Variants in CAMSAP2 observed in about 807,000 individuals in gnomAD.
The protein encoded by CAMSAP2 is calmodulin regulated spectrin associated protein family member 2, also known as calmodulin-regulated spectrin-associated protein 2.
CAMSAP2 carries 26 observed loss-of-function variants against 146.1 expected under a neutral mutation model. The observed-to-expected ratio is 0.18, with a 90% confidence interval of 0.13 to 0.25. The LOEUF (loss-of-function observed/expected upper bound fraction) is 0.25. Ranked by LOEUF, CAMSAP2 falls within the 10% of genes least tolerant of loss-of-function variation. CAMSAP2 has a pLI of 1.00. For missense variants in CAMSAP2, 1,381 were observed against 1,759.3 expected, an observed-to-expected ratio of 0.78 and a Z score of 3.85; for synonymous variants, 499 against 596.6, an observed-to-expected ratio of 0.84 and a Z score of 2.38.
At chr1:200,741,611 A>G (rs765914075) in intron 1 of CAMSAP2, among the ~76,000 whole-genome samples, 8 of 152,248 alleles carry the variant, frequency 5.3e-5, no homozygotes, top group Non-Finnish European at 1.2e-4. Context: ...TCTGGAACTG[A>G]GAGGATACTT....
intron 2 of CAMSAP2, among the ~76,000 whole-genome samples, chr1:200,772,371 G>A (rs529688469): frequency 1.3e-5 from 2 of 152,320 alleles, no homozygotes; most frequent in East Asian, 3.9e-4. Context: ...CACTTTGGGA[G>A]GCTGAGATGG....
chr1:200,857,787 A>T lies in CAMSAP2; in HGVS notation c.4165A>T (p.Ile1389Phe). The T allele has an allele frequency of 6.2e-7, 1 of 1,607,156 alleles. No individual in the cohort carries two copies. Among genetic ancestry groups the T allele is most frequent in the Non-Finnish European group, 8.5e-7 (1 of 1,178,070 alleles). The change falls in exon 17 of 17, where the codon ATC becomes TTC. Residue 1389 changes from isoleucine to phenylalanine, a missense_variant. By Grantham distance (21) the Ile-to-Phe change is conservative. This residue lies in a region of CAMSAP2 where 90 missense variants were observed against 174.4 expected (regional missense o/e 0.52). Coordinates refer to ENST00000358823, the MANE Select transcript of CAMSAP2 (RefSeq NM_203459.4). This position sits in a 1 kb window ranked among gnomAD's most constrained non-coding sequence, Gnocchi z 4.7. ...MEKSDANNFL[I>F]LFRDSGCQFR... ...GAAATCAGATGCCAACAACTTCTTA[A>T]TCTTGTTCCGGGATTCAGGATGCCA...
At chr1:200,742,983 A>G (rs1664221945) in intron 1 of CAMSAP2, among the ~76,000 whole-genome samples, 1 of 152,188 alleles carries the variant, frequency 6.6e-6, no homozygotes, top group Non-Finnish European at 1.5e-5. Context: ...CCAAATTTTA[A>G]TAGTTTATTT....
Position 200,836,102 on chromosome 1 carries a change from T to C in CAMSAP2, c.927+3257T>C, listed in dbSNP as rs1410961769. 1.3e-5 allele frequency among the ~76,000 whole-genome samples: 2 copies of C among 152,158 alleles called. 1 individual carries two copies. The highest frequency in any genetic ancestry group is 1.3e-4 in the Admixed American group (2 of 15,278). ...GAATCTTTTTTTTTTTAATTCAATCTTATTTTAAACTTTTAGCTTAAGCTC... is the reference window on the plus strand; with the variant it reads ...GAATCTTTTTTTTTTTAATTCAATCCTATTTTAAACTTTTAGCTTAAGCTC... On this transcript the variant is annotated intron_variant, in intron 6 of 16. Transcript: ENST00000358823.
At chr1:200,748,764 T>A (rs1664415693) in intron 1 of CAMSAP2, among the ~76,000 whole-genome samples, 1 of 151,666 alleles carries the variant, frequency 6.6e-6, no homozygotes, top group Non-Finnish European at 1.5e-5. Context: ...TTTGATTTTT[T>A]TTTTTTTTTG....
chr1:200,749,012 A>C (rs1664424383), intron 1 of CAMSAP2, among the ~76,000 whole-genome samples: 1 of 152,198 alleles, frequency 6.6e-6, no homozygotes, highest in Non-Finnish European at 1.5e-5. Context: ...AGAACAACTT[A>C]AAATGCCCAA....
intron 4 of CAMSAP2, among the ~76,000 whole-genome samples, chr1:200,817,188 A>G (rs1298729395): frequency 1.2e-5 from 1 of 81,322 alleles, no homozygotes; most frequent in African/African-American, 6.4e-5. Context: ...ACACACACAC[A>G]CATGTGTGTG....
At chr1:200,763,320 C>CTTTGT (rs1452669899) in intron 2 of CAMSAP2, among the ~76,000 whole-genome samples, 52 of 152,032 alleles carry the variant, frequency 3.4e-4, no homozygotes, top group African/African-American at 1.2e-3. Context: ...TGGCGGATCA[C>CTTTGT]CTGAGGTCAG....
At chr1:200,757,082 T>A (rs560901965) in intron 1 of CAMSAP2, among the ~76,000 whole-genome samples, 1 of 152,344 alleles carries the variant, frequency 6.6e-6, no homozygotes, top group South Asian at 2.1e-4. Flanking sequence ...TTACTTTTAA[T>A]TGGAGTTCTT....
rs577026924 is a variant in CAMSAP2 at position 200,772,243 on chromosome 1, A to G, written c.399+11145A>G. 2.0e-5 allele frequency among the ~76,000 whole-genome samples: 3 copies of G among 152,310 alleles called. No individual in the cohort carries two copies. The South Asian group carries it at 6.2e-4, about 32-fold the overall frequency. On this transcript the variant is annotated intron_variant, in intron 2 of 16. Transcript: ENST00000358823. ...TTTTTTAAGATTCTATTTGAAAAAAAAATATGGGTTGTGACCAACTAAATT... is the reference window on the plus strand; with the variant it reads ...TTTTTTAAGATTCTATTTGAAAAAAGAATATGGGTTGTGACCAACTAAATT...
Position 200,859,028 on chromosome 1 carries a change from A to T in CAMSAP2, c.*969A>T, listed in dbSNP as rs1667817783. ...AACTCATATAAAAATTATATTTAGA[A>T]TTTTTAAACATGTACAAAGGGCTAC... On this transcript the variant is annotated 3_prime_UTR_variant, in exon 17 of 17. Coordinates refer to ENST00000358823, the MANE Select transcript of CAMSAP2 (RefSeq NM_203459.4). 6.6e-6 allele frequency: 1 copy of T among 152,474 alleles called. No homozygotes were observed. Among genetic ancestry groups the T allele is most frequent in the African/African-American group, 2.4e-5 (1 of 41,436 alleles). 9.4% of individuals were successfully genotyped at this position (152,474 alleles called of 1,614,324 possible). A position where few individuals can be genotyped will look rare whatever the true frequency, so the allele number is the denominator to read the frequency against.
At chr1:200,831,537 A>G (rs1376130374) in intron 4 of CAMSAP2, among the ~76,000 whole-genome samples, 1 of 152,110 alleles carries the variant, frequency 6.6e-6, no homozygotes, top group Non-Finnish European at 1.5e-5. Context: ...CACACCAAAC[A>G]ATCTTTAGGA....
intron 2 of CAMSAP2, among the ~76,000 whole-genome samples, chr1:200,779,639 T>A (rs1328546880): frequency 2.0e-5 from 3 of 152,222 alleles, no homozygotes; most frequent in African/African-American, 4.8e-5. Flanking sequence ...ATTCAACTAA[T>A]GTGCAGAAAA....
At chr1:200,828,974 G>T (rs972946808) in intron 4 of CAMSAP2, among the ~76,000 whole-genome samples, 1 of 151,758 alleles carries the variant, frequency 6.6e-6, no homozygotes, top group African/African-American at 2.4e-5. Flanking sequence ...TGACCAACAT[G>T]GAAAAACCCC....
In CAMSAP2 at chr1:200,746,758, A is replaced by G. The variant is rs910067848; in HGVS notation, c.139+6792A>G. Among the ~76,000 whole-genome samples the G allele has an allele frequency of 2.0e-4, 30 of 151,724 alleles. 1 individual carries two copies. Among genetic ancestry groups the G allele is most frequent in the Admixed American group, 1.8e-3 (27 of 15,220 alleles). Reference sequence around the variant, plus strand: ...CTCAGCCTCCCGAGTAGCTGGGACTACAGGAGCCCACCACCACGCCCAGCT... The same window carrying G: ...CTCAGCCTCCCGAGTAGCTGGGACTGCAGGAGCCCACCACCACGCCCAGCT... On this transcript the variant is annotated intron_variant, in intron 1 of 16. Coordinates refer to ENST00000358823, the MANE Select transcript of CAMSAP2 (RefSeq NM_203459.4).
chr1:200,845,605 T>G (rs565568197), intron 8 of CAMSAP2, among the ~76,000 whole-genome samples: 2 of 152,304 alleles, frequency 1.3e-5, no homozygotes, highest in African/African-American at 4.8e-5. Context: ...ATTTTTAGTG[T>G]GGTAATGGTA....
At position 200,805,557 on chromosome 1, in the gene CAMSAP2, A is replaced by G. The variant is rs186533486; in HGVS notation, c.400-1819A>G. On this transcript the variant is annotated intron_variant, in intron 2 of 16. Coordinates refer to ENST00000358823, the MANE Select transcript of CAMSAP2 (RefSeq NM_203459.4). ...CCTGGGGAAGCTGTTTAAAAATACC[A>G]GTGCTGATGCCGTACTTTAGATAAT... 4.6e-5 allele frequency among the ~76,000 whole-genome samples: 7 copies of G among 152,362 alleles called. No individual in the cohort carries two copies. The East Asian group carries it at 9.6e-4, about 21-fold the overall frequency.
Position 200,847,662 on chromosome 1 carries a change from T to C in CAMSAP2, c.1215T>C (p.Ser405=). The C allele has an allele frequency of 6.2e-7, 1 of 1,612,424 alleles. No individual in the cohort carries two copies. The highest frequency in any genetic ancestry group is 8.5e-7 in the Non-Finnish European group (1 of 1,179,186). ...AAGGAGGAATTAGAAGGTCTTCATC[T>C]ATGTCTTATGTTGATGGCTTCATAG... is the stretch of plus-strand genomic sequence containing the variant. ...SASGGIRRSS[S]MSYVDGFIGT... The change falls in exon 10 of 17, where the codon TCT becomes TCC. Residue 405 remains serine (S), a synonymous_variant. Coordinates refer to ENST00000358823, the MANE Select transcript of CAMSAP2 (RefSeq NM_203459.4).
chr1:200,841,575 A>G (rs1187844271), intron 6 of CAMSAP2, among the ~76,000 whole-genome samples: 2 of 152,150 alleles, frequency 1.3e-5, no homozygotes, highest in Non-Finnish European at 2.9e-5. Flanking sequence ...CACTACATCC[A>G]GTTACGTTTT....
Sources: gnomAD v4.1 joint callset for allele counts (sites outside exome capture counted in the v4.1 genomes callset) on GRCh38, gnomAD v4.1.1 for gene constraint, gnomAD v4.1.1 regional missense constraint, Gnocchi (gnomAD v3.1) non-coding constraint, MANE v1.5 for transcripts, NCBI Gene and HGNC (gene_info 2026-07-23, HGNC 2026-07-21) for gene names.